DLG2: variants seen among roughly 807,000 people sequenced by gnomAD.
DLG2 encodes the protein discs large MAGUK scaffold protein 2.
Under a neutral mutation model 132.5 loss-of-function variants are expected in DLG2, and 45 were observed. The ratio of observed to expected loss-of-function variants is 0.34; its 90% CI spans 0.27 to 0.44. The LOEUF (loss-of-function observed/expected upper bound fraction) is 0.44, where lower values mean the gene tolerates loss of function less well. Ranked by LOEUF, DLG2 falls within the 20% of genes least tolerant of loss-of-function variation. The pLI is 1.00. For synonymous variants in DLG2, 424 were observed against 419.6 expected (o/e 1.01, Z -0.13); for missense variants, 1,045 against 1,196.9 (o/e 0.87, Z 1.87).
At chr11:85,282,852 G>T (rs2078319091) in intron 4 of DLG2, among the ~76,000 whole-genome samples, 1 of 151,858 alleles carries the variant, frequency 6.6e-6, no homozygotes, top group Non-Finnish European at 1.5e-5. Context: ...TCCATCAGTG[G>T]TAGCCTGGAT....
chr11:85,490,032 T>C (rs1424914666), intron 3 of DLG2, among the ~76,000 whole-genome samples: 1 of 151,884 alleles, frequency 6.6e-6, no homozygotes, highest in Non-Finnish European at 1.5e-5. Context: ...CTACAAAAAC[T>C]TAAAAATTAG....
intron 2 of DLG2, among the ~76,000 whole-genome samples, chr11:85,611,575 C>A (rs554006113): frequency 2.0e-5 from 3 of 152,312 alleles, no homozygotes; most frequent in South Asian, 4.1e-4. Flanking sequence ...AATGATGTAA[C>A]CGTACTTGAA....
chr11:83,525,488 A>G (rs1169985832), intron 21 of DLG2, among the ~76,000 whole-genome samples: 2 of 152,228 alleles, frequency 1.3e-5, no homozygotes, highest in African/African-American at 4.8e-5. Context: ...AGTTAAAACC[A>G]CACTGCATGC....
At chr11:84,748,610 T>A (rs1038234044) in intron 6 of DLG2, among the ~76,000 whole-genome samples, 9 of 152,212 alleles carry the variant, frequency 5.9e-5, no homozygotes, top group African/African-American at 1.9e-4. Flanking sequence ...TATATGTCCT[T>A]CCAAAAGCGA....
At chr11:83,753,856 ATATATATTT>A (rs2093502902) in intron 18 of DLG2, among the ~76,000 whole-genome samples, 4 of 6,626 alleles carry the variant, frequency 6.0e-4, no homozygotes, top group Non-Finnish European at 9.4e-4. Context: ...TATATATCAT[ATATATATTT>A]CATATATATG....
chr11:85,380,695 G>C (rs1054279424), intron 3 of DLG2, among the ~76,000 whole-genome samples: 1 of 152,164 alleles, frequency 6.6e-6, no homozygotes, highest in African/African-American at 2.4e-5. Context: ...ACATGGAGGA[G>C]TGACAGAGAA....
intron 3 of DLG2, among the ~76,000 whole-genome samples, chr11:85,373,158 G>T (rs1298048208): frequency 6.6e-6 from 1 of 152,146 alleles, no homozygotes; most frequent in Non-Finnish European, 1.5e-5. Context: ...GCTGGCCAAA[G>T]GGTAAAGCTT....
intron 10 of DLG2, among the ~76,000 whole-genome samples, chr11:84,087,225 T>C (rs2097000625): frequency 1.3e-5 from 2 of 152,206 alleles, no homozygotes; most frequent in African/African-American, 4.8e-5. Context: ...TTAGATGGAC[T>C]GCCAGACTGT....
chr11:83,760,207 T>A (rs965880536), intron 18 of DLG2, among the ~76,000 whole-genome samples: 2 of 152,196 alleles, frequency 1.3e-5, no homozygotes, highest in African/African-American at 4.8e-5. Flanking sequence ...GCCTTTCACC[T>A]GGTGGGCAGA....
intron 3 of DLG2, among the ~76,000 whole-genome samples, chr11:85,503,300 C>G (rs1244143114): frequency 6.6e-6 from 1 of 152,062 alleles, no homozygotes; most frequent in African/African-American, 2.4e-5. Context: ...CTACTTTGAG[C>G]CATCGACAAA....
Position 84,373,261 on chromosome 11 carries a change from AAAACAAAAC to A in DLG2, c.520-121979_520-121971del, listed in dbSNP as rs1477393570. Among the ~76,000 whole-genome samples the A allele has an allele frequency of 5.1e-5, 3 of 58,276 alleles. 1 individual carries two copies. The highest frequency in any genetic ancestry group is 1.4e-4 in the Non-Finnish European group (3 of 20,936). The allele number at this position is 58,276 out of a possible 152,430, so 38.2% of individuals were successfully genotyped here. A position where few individuals can be genotyped will look rare whatever the true frequency, so the allele number is the denominator to read the frequency against. ...ATTAAGAAACAGTCAAAAAAAAAAA[AAAACAAAAC>A]AAAAAAAAAACCCACCAGGCCCGGC... On this transcript the variant is annotated intron_variant, in intron 7 of 27. Transcript: ENST00000376104.
chr11:85,252,384 C>T (rs1038643127), intron 4 of DLG2, among the ~76,000 whole-genome samples: 2 of 152,114 alleles, frequency 1.3e-5, no homozygotes, highest in South Asian at 4.1e-4. Context: ...GTCAGGAGAT[C>T]AAGACCATCC....
At chr11:83,660,780 G>C (rs1048712824) in intron 18 of DLG2, among the ~76,000 whole-genome samples, 1 of 152,040 alleles carries the variant, frequency 6.6e-6, no homozygotes, top group Admixed American at 6.6e-5. Flanking sequence ...GTGATGGAAA[G>C]ATAAACAGAA....
At chr11:85,036,521 C>A (rs2061447874) in intron 6 of DLG2, among the ~76,000 whole-genome samples, 1 of 152,112 alleles carries the variant, frequency 6.6e-6, no homozygotes, top group Non-Finnish European at 1.5e-5. Context: ...ATTATTTCAT[C>A]AAGTAAGACT....
At chr11:84,493,758 G>C (rs2099171724) in intron 7 of DLG2, among the ~76,000 whole-genome samples, 1 of 152,046 alleles carries the variant, frequency 6.6e-6, no homozygotes, top group Non-Finnish European at 1.5e-5. Context: ...ATAGGTCCCT[G>C]ATAATGTATA....
intron 7 of DLG2, among the ~76,000 whole-genome samples, chr11:84,528,412 T>C (rs1218987398): frequency 6.6e-6 from 1 of 152,180 alleles, no homozygotes; most frequent in Admixed American, 6.5e-5. Flanking sequence ...CAAAGACAGA[T>C]GAATCTTAGA....
At chr11:84,600,440 C>A (rs938532448) in intron 6 of DLG2, among the ~76,000 whole-genome samples, 1 of 152,028 alleles carries the variant, frequency 6.6e-6, no homozygotes, top group Non-Finnish European at 1.5e-5. Flanking sequence ...CAGATTCCAC[C>A]CTTCCCCTAT....
In DLG2 at chr11:84,462,226, A is replaced by G. The variant is rs939735428; in HGVS notation, c.519+72344T>C. On this transcript the variant is annotated intron_variant, in intron 7 of 27. Transcript: ENST00000376104. ...GTCCCATTTATCAAAATGGTTCCCA[A>G]GCAGTCAGGGACTTTAACCACAAAT... Among the ~76,000 whole-genome samples the G allele has an allele frequency of 6.0e-5, 9 of 151,072 alleles. No homozygotes were observed. The Admixed American group carries it at 6.0e-4, about 10-fold the overall frequency.
Position 84,973,622 on chromosome 11 carries a change from T to C in DLG2, c.357+138039A>G, listed in dbSNP as rs573931461. Among the ~76,000 whole-genome samples the C allele has an allele frequency of 2.0e-5, 3 of 152,316 alleles. No homozygotes were observed. In the South Asian group the frequency reaches 6.2e-4, roughly 32 times the overall value. The stretch of plus-strand genomic sequence containing the variant: ...ACAAAATGATTTGAGGAAAATGTCT[T>C]ATACTTCTTTGCATTTCTAGCTTAG... On this transcript the variant is annotated intron_variant, in intron 6 of 27. Transcript: ENST00000376104.
Sources: gnomAD v4.1 joint callset for allele counts (sites outside exome capture counted in the v4.1 genomes callset) on GRCh38, gnomAD v4.1.1 for gene constraint, MANE v1.5 for transcripts, NCBI Gene and HGNC (gene_info 2026-07-23, HGNC 2026-07-21) for gene names.